FCN2: variants seen among roughly 807,000 people sequenced by gnomAD.
FCN2 encodes the protein ficolin-2.
Under a neutral mutation model 32.5 loss-of-function variants are expected in FCN2, and 31 were observed. The ratio of observed to expected loss-of-function variants is 0.96; its 90% CI spans 0.72 to 1.29. The LOEUF is 1.29. Ranked by LOEUF, FCN2 falls within the 50% of genes most tolerant of loss-of-function variation. The pLI is 0.00. For missense variants in FCN2, 412 were observed against 406.5 expected (o/e 1.01, Z -0.12); for synonymous variants, 181 against 164.5 (o/e 1.10, Z -0.77).
At chr9:134,885,119 G>A in intron 4 of FCN2, 120 bp from the exon 5 acceptor site, 10 of 1,404,682 alleles carry the variant, frequency 7.1e-6, no homozygotes, top group Non-Finnish European at 8.9e-6. Context: ...AGGCCTCAGA[G>A]TCCCGCTCTG....
At chr9:134,882,337 C>T (rs1250625226) in intron 1 of FCN2, among the ~76,000 whole-genome samples, 189 bp from the exon 2 acceptor site, 1 of 152,218 alleles carries the variant, frequency 6.6e-6, no homozygotes, top group Admixed American at 6.5e-5. Context: ...AGACCAAGTG[C>T]CCACCAGGGC....
upstream of FCN2, among the ~76,000 whole-genome samples, chr9:134,880,056 C>T (rs1034733512): frequency 6.6e-6 from 1 of 152,146 alleles, no homozygotes; most frequent in Non-Finnish European, 1.5e-5. Context: ...GATGTCTGGC[C>T]TCAGGGCTCA....
intron 3 of FCN2, among the ~76,000 whole-genome samples, chr9:134,883,682 T>G: frequency 8.1e-6 from 1 of 122,748 alleles, no homozygotes; most frequent in Non-Finnish European, 1.7e-5. Flanking sequence ...CTTGGTGGTG[T>G]AGGGAGAGGT....
the FCN2 span, among the ~76,000 whole-genome samples, chr9:134,875,161 A>T: frequency 6.6e-6 from 1 of 152,230 alleles, no homozygotes; most frequent in Non-Finnish European, 1.5e-5. Flanking sequence ...TTCCTTTCCT[A>T]ATATGCATGA....
chr9:134,875,815 T>C (rs936042795), upstream of FCN2, among the ~76,000 whole-genome samples: 2 of 152,196 alleles, frequency 1.3e-5, no homozygotes, highest in African/African-American at 2.4e-5. Flanking sequence ...GATACCTCAA[T>C]TGTTGCTTTT....
chr9:134,876,093 G>A (rs1284759270), upstream of FCN2, among the ~76,000 whole-genome samples: 1 of 152,048 alleles, frequency 6.6e-6, no homozygotes, highest in Non-Finnish European at 1.5e-5. Flanking sequence ...ATTTTTAAGA[G>A]GTAAACAAAC....
chr9:134,871,591 T>C, the FCN2 span, among the ~76,000 whole-genome samples: 1,702 of 152,230 alleles, frequency 0.011, 35 homozygotes, highest in African/African-American at 0.037. Flanking sequence ...GGGAGCTGTG[T>C]AGAGTGGGCA....
At chr9:134,886,620 G>A in intron 7 of FCN2, 56 bp downstream of exon 7, 2 of 1,601,450 alleles carry the variant, frequency 1.2e-6, no homozygotes, top group East Asian at 4.5e-5. Context: ...TTTGGGAAGT[G>A]GAGAGAGCGT....
chr9:134,886,538 T>C lies in FCN2; in HGVS notation c.668T>C (p.Leu223Pro), dbSNP rs1830760028. 5.0e-6 allele frequency: 8 copies of C among 1,614,050 alleles called. No homozygotes were observed. The highest frequency in any genetic ancestry group is 6.8e-6 in the Non-Finnish European group (8 of 1,179,972). ...GAGGCGGAGAAGTACAATCTGGTCCTGGGGGCCTTCGTGGAGGGCAGTGCG... is the reference window on the plus strand; with the variant it reads ...GAGGCGGAGAAGTACAATCTGGTCCCGGGGGCCTTCGTGGAGGGCAGTGCG... ...ADEAEKYNLV[L>P]GAFVEGSAGD... Residue 223 changes from leucine to proline, a missense_variant, in exon 7 of 8, where the codon CTG becomes CCG. Transcript: ENST00000291744.
upstream of FCN2, among the ~76,000 whole-genome samples, chr9:134,876,617 C>G (rs12552813): frequency 0.017 from 2,567 of 152,298 alleles, 160 homozygotes; most frequent in East Asian, 0.14. Context: ...TCCCTCTTGT[C>G]ACCCAGGCTG....
Position 134,887,462 on chromosome 9 carries a change from G to T in FCN2, c.*47G>T, listed in dbSNP as rs575064944. The T allele has an allele frequency of 5.0e-6, 8 of 1,595,324 alleles. No homozygotes were observed. The highest frequency in any genetic ancestry group is 1.3e-5 in the African/African-American group (1 of 74,414). On this transcript the variant is annotated 3_prime_UTR_variant, in exon 8 of 8. Transcript: ENST00000291744. ...GGACGCCTCCACACATAGTTGGTTG[G>T]GGGGTAGGGTTGGGAGCTTGGCCCT...
At chr9:134,879,284 T>A (rs772820020), upstream of FCN2, among the ~76,000 whole-genome samples, 1 of 152,244 alleles carries the variant, frequency 6.6e-6, no homozygotes, top group Non-Finnish European at 1.5e-5. Flanking sequence ...GCAAGTACTT[T>A]AAATAGCATA....
At position 134,885,820 on chromosome 9, in the gene FCN2, C is replaced by A; in HGVS notation, c.482C>A (p.Thr161Lys). The A allele has an allele frequency of 6.2e-7, 1 of 1,613,882 alleles. No homozygotes were observed. The highest frequency in any genetic ancestry group is 1.1e-5 in the South Asian group (1 of 91,080). Reference sequence around the variant, plus strand: ...GTGGACTTCTACCGGGACTGGGCCACGTACAAGCAGGGCTTCGGCAGTCGG... The same window carrying A: ...GTGGACTTCTACCGGGACTGGGCCAAGTACAAGCAGGGCTTCGGCAGTCGG... ...GSVDFYRDWA[T>K]YKQGFGSRLG... Residue 161 changes from threonine to lysine, a missense_variant, in exon 6 of 8, where the codon ACG (threonine) becomes AAG (lysine). Thr to Lys is a moderately conservative substitution (Grantham distance 78). Transcript: ENST00000291744.
At chr9:134,886,350 G>C in intron 6 of FCN2, 80 bp from the exon 7 acceptor site, 1 of 1,562,320 alleles carries the variant, frequency 6.4e-7, no homozygotes, top group East Asian at 2.2e-5. Flanking sequence ...CCTCCTTCCA[G>C]GCCCTGCCCC....
upstream of FCN2, among the ~76,000 whole-genome samples, chr9:134,880,149 C>A (rs1285584544): frequency 6.6e-6 from 1 of 152,148 alleles, no homozygotes; most frequent in Non-Finnish European, 1.5e-5. Flanking sequence ...CACTCAAGGT[C>A]TCCCCTTCAG....
At chr9:134,877,050 T>C (rs75720272), upstream of FCN2, among the ~76,000 whole-genome samples, 1,092 of 152,370 alleles carry the variant, frequency 7.2e-3, 59 homozygotes, top group East Asian at 0.15. Context: ...TTTTGCATTC[T>C]CCCTCTTTTT....
the FCN2 span, among the ~76,000 whole-genome samples, chr9:134,867,864 A>G: frequency 6.6e-6 from 1 of 152,164 alleles, no homozygotes; most frequent in African/African-American, 2.4e-5. Flanking sequence ...TCTTAGAAAT[A>G]TTGGTGGTCA....
chr9:134,870,112 C>T, the FCN2 span, among the ~76,000 whole-genome samples: 2 of 152,176 alleles, frequency 1.3e-5, no homozygotes, highest in East Asian at 3.9e-4. The surrounding 1 kb of genome is among the most constrained non-coding windows in gnomAD (Gnocchi z 4.3). Flanking sequence ...GGCAGCCTGG[C>T]CTGAAGGAGT....
At chr9:134,874,668 T>A in the FCN2 span, among the ~76,000 whole-genome samples, 3,529 of 152,322 alleles carry the variant, frequency 0.023, 72 homozygotes, top group Middle Eastern at 0.086. Context: ...TTGTTTTTTT[T>A]AAAAGATGTT....
Sources: gnomAD v4.1 joint callset for allele counts (sites outside exome capture counted in the v4.1 genomes callset) on GRCh38, gnomAD v4.1.1 for gene constraint, Gnocchi (gnomAD v3.1) non-coding constraint, MANE v1.5 for transcripts, NCBI Gene and HGNC (gene_info 2026-07-23, HGNC 2026-07-21) for gene names.